The following DNAH8 variants were observed in gnomAD, a reference collection of about 807,000 sequenced individuals.
DNAH8 encodes the protein axonemal beta dynein heavy chain 8.
Under a neutral mutation model 562.1 loss-of-function variants are expected in DNAH8, and 382 were observed. The ratio of observed to expected loss-of-function variants is 0.68; its 90% CI spans 0.63 to 0.74. DNAH8 has a LOEUF of 0.74. Ranked by LOEUF, DNAH8 falls within the 30% of genes least tolerant of loss-of-function variation. The pLI is 0.00. For synonymous variants in DNAH8, 1,881 were observed against 1,919.4 expected, an observed-to-expected ratio of 0.98 and a Z score of 0.52; for missense variants, 5,203 against 5,620.4, an observed-to-expected ratio of 0.93 and a Z score of 2.37.
chr6:38,779,114 C>T lies in DNAH8; in HGVS notation c.2039+650C>T, dbSNP rs116869179. ...AGGAATCCCAGATTAGAGGGCTGAG[C>T]GGGACTAGAAGCCTTTCCCTTTCAG... On this transcript the variant is annotated intron_variant, in intron 14 of 92. Coordinates refer to ENST00000327475, the MANE Select transcript of DNAH8 (RefSeq NM_001206927.2). Among the ~76,000 whole-genome samples, 248 of 152,128 alleles carry T rather than the reference C, an allele frequency of 1.6e-3. 4 individuals are homozygous for T. The highest frequency in any genetic ancestry group is 0.012 in the Admixed American group (181 of 15,272).
chr6:39,015,823 G>C (rs768625544), intron 91 of DNAH8, among the ~76,000 whole-genome samples: 3 of 151,926 alleles, frequency 2.0e-5, no homozygotes, highest in Non-Finnish European at 4.4e-5. Context: ...CTTTCTCTCA[G>C]GTCTCTCCAT....
In DNAH8 at chr6:39,012,202, T is replaced by G; in HGVS notation, c.13372-13T>G. The stretch of plus-strand genomic sequence containing the variant: ...AGAAAATCTCCTTTATTGCATTGTT[T>G]ACTTTGTTTTAGGTGAAATCTCGTT... On this transcript the variant is annotated splice_polypyrimidine_tract_variant and intron_variant, in intron 89 of 92. Transcript: ENST00000327475. The G allele has an allele frequency of 1.3e-6, 2 of 1,582,952 alleles. No homozygotes were observed. Among genetic ancestry groups the G allele is most frequent in the Non-Finnish European group, 1.7e-6 (2 of 1,159,600 alleles).
intron 88 of DNAH8, among the ~76,000 whole-genome samples, chr6:38,992,455 A>C (rs1222475756): frequency 3.3e-5 from 5 of 152,218 alleles, no homozygotes; most frequent in Non-Finnish European, 5.9e-5. Context: ...AGTGTGAAGG[A>C]TGTGATCAAT....
rs373987489 is a variant in DNAH8, at chr6:39,020,773, G to T, written c.13715-5773G>T. Among the ~76,000 whole-genome samples, 72 of 152,130 alleles carry T rather than the reference G, an allele frequency of 4.7e-4. 2 individuals are homozygous for T. The East Asian group carries it at 7.5e-3, about 16-fold the overall frequency. ...TGTGAGTGAGAACACGCGGTGTTTG[G>T]TTTTCTATTCCTGTGTTAGTTTGCC... On this transcript the variant is annotated intron_variant, in intron 91 of 92. Coordinates refer to ENST00000327475, the MANE Select transcript of DNAH8 (RefSeq NM_001206927.2).
At chr6:38,776,920 G>A (rs1231261929) in intron 13 of DNAH8, among the ~76,000 whole-genome samples, 4 of 152,198 alleles carry the variant, frequency 2.6e-5, no homozygotes, top group Admixed American at 6.5e-5. Flanking sequence ...GGAGACACAA[G>A]CAGGGAGAAG....
At chr6:38,734,346 T>A in intron 4 of DNAH8, 128 bp from the exon 5 acceptor site, 2 of 883,682 alleles carry the variant, frequency 2.3e-6, no homozygotes, top group Non-Finnish European at 3.0e-6. Context: ...AAAAAAATTA[T>A]TCTATGACCG....
At chr6:38,722,168 A>T (rs977725336) in intron 1 of DNAH8, among the ~76,000 whole-genome samples, 1 of 152,208 alleles carries the variant, frequency 6.6e-6, no homozygotes, top group African/African-American at 2.4e-5. Flanking sequence ...CTCAATAAAT[A>T]GTCACAATCA....
At position 38,942,767 on chromosome 6, in the gene DNAH8, G is replaced by A. The variant is rs1561894860; in HGVS notation, c.12008-2700G>A. ...CTAGCCTGCACCTGAGGTGTGGGAA[G>A]CCTGGAGGGCAGCCTGCATACCTGA... On this transcript the variant is annotated intron_variant, in intron 79 of 92. Coordinates refer to ENST00000327475, the MANE Select transcript of DNAH8 (RefSeq NM_001206927.2). 2.0e-5 allele frequency among the ~76,000 whole-genome samples: 3 copies of A among 152,218 alleles called. No individual in the cohort carries two copies. The East Asian group carries it at 5.8e-4, about 29-fold the overall frequency.
rs1775865784 is a variant in DNAH8, at chr6:38,852,811, G to T, written c.5571+13G>T. 3.1e-6 allele frequency: 5 copies of T among 1,591,738 alleles called. No individual in the cohort carries two copies. In the South Asian group the frequency reaches 4.4e-5, roughly 14 times the overall value. ...AGAAAAAATTGTTGTAATTTACCTT[G>T]CTTTAAATTTTTTTATTAGAATTTC... On this transcript the variant is annotated intron_variant, in intron 40 of 92. Transcript: ENST00000327475.
intron 36 of DNAH8, among the ~76,000 whole-genome samples, chr6:38,847,537 G>A (rs1775394109): frequency 6.6e-6 from 1 of 151,952 alleles, no homozygotes; most frequent in Non-Finnish European, 1.5e-5. Flanking sequence ...CCTCCTTAGA[G>A]CAATTTATGT....
intron 37 of DNAH8, among the ~76,000 whole-genome samples, chr6:38,849,908 C>T (rs750417164): frequency 6.6e-6 from 1 of 151,974 alleles, no homozygotes; most frequent in Non-Finnish European, 1.5e-5. Context: ...TCAGTTTGCT[C>T]CTCAAACCAA....
chr6:39,002,364 A>G (rs905922356), intron 88 of DNAH8, among the ~76,000 whole-genome samples: 26 of 152,202 alleles, frequency 1.7e-4, no homozygotes, highest in South Asian at 8.3e-4. Flanking sequence ...CTGAAAATGT[A>G]TATAGTAACA....
chr6:38,851,122 A>G (rs1775707916), intron 38 of DNAH8, among the ~76,000 whole-genome samples: 1 of 152,140 alleles, frequency 6.6e-6, no homozygotes, highest in Admixed American at 6.5e-5. Context: ...TAATTTTTTT[A>G]AGGCAGTTCA....
chr6:39,016,476 A>G (rs1440628132), intron 91 of DNAH8, among the ~76,000 whole-genome samples: 1 of 151,154 alleles, frequency 6.6e-6, no homozygotes, highest in African/African-American at 2.4e-5. Flanking sequence ...GCGTGAACCT[A>G]GGAGGCGGAG....
chr6:38,945,834 T>A (rs1431440487), intron 80 of DNAH8, among the ~76,000 whole-genome samples: 2 of 152,278 alleles, frequency 1.3e-5, no homozygotes, highest in South Asian at 2.1e-4. Flanking sequence ...TTTGTATGCC[T>A]GTTAGAGTTG....
chr6:38,920,715 G>A lies in DNAH8; in HGVS notation c.10525-654G>A, dbSNP rs576960708. Among the ~76,000 whole-genome samples, 9 of 151,926 alleles carry A rather than the reference G, an allele frequency of 5.9e-5. No homozygotes were observed. In the South Asian group the frequency reaches 1.7e-3, roughly 28 times the overall value. ...AATATCATGCAGTCACATAACTAAC[G>A]TTCATGATGGACTTGGGACCTTCAT... On this transcript the variant is annotated intron_variant, in intron 70 of 92. Transcript: ENST00000327475.
Position 38,906,263 on chromosome 6 carries a change from T to C in DNAH8, c.9204T>C (p.Asn3068=), listed in dbSNP as rs1454896817. The C allele has an allele frequency of 6.3e-7, 1 of 1,589,076 alleles. No homozygotes were observed. Among genetic ancestry groups the C allele is most frequent in the African/African-American group, 1.4e-5 (1 of 73,938 alleles). ...IFQITLTRSY[N]VTNLTDDLKA... is the part of the protein sequence containing the mutation. Reference sequence around the variant, plus strand: ...TCATTTTTCTTCTTAGGTCTTACAATGTGACTAATCTAACAGATGATTTAA... The same window carrying C: ...TCATTTTTCTTCTTAGGTCTTACAACGTGACTAATCTAACAGATGATTTAA... Residue 3068 remains asparagine, a synonymous_variant, in exon 63 of 93, where the codon AAT becomes AAC. Transcript: ENST00000327475.
intron 8 of DNAH8, among the ~76,000 whole-genome samples, chr6:38,747,223 A>C (rs73416390): frequency 6.6e-6 from 1 of 152,090 alleles, no homozygotes; most frequent in Admixed American, 6.6e-5. Context: ...CATTTTGTAT[A>C]TAGAACAGTG....
Position 38,894,884 on chromosome 6 carries a change from A to G in DNAH8, c.8747+20A>G, listed in dbSNP as rs1226046959. ...AGACAGGTGCGTGTTGCGGCACTAG[A>G]GTTTAAATGTATGACCTGAGAAGTT... On this transcript the variant is annotated intron_variant, in intron 59 of 92. Coordinates refer to ENST00000327475, the MANE Select transcript of DNAH8 (RefSeq NM_001206927.2). The G allele has an allele frequency of 6.2e-7, 1 of 1,603,006 alleles. No homozygotes were observed. Among genetic ancestry groups the G allele is most frequent in the Middle Eastern group, 1.7e-4 (1 of 6,004 alleles).
Sources: allele counts gnomAD v4.1 joint callset (sites outside exome capture counted in the v4.1 genomes callset), GRCh38; gene constraint gnomAD v4.1.1; transcripts MANE v1.5; gene names NCBI Gene and HGNC (gene_info 2026-07-23, HGNC 2026-07-21).